The following SGMS1 variants were observed in gnomAD, a reference collection of about 807,000 sequenced individuals.
SGMS1 encodes the protein phosphatidylcholine:ceramide cholinephosphotransferase 1.
A neutral mutation model predicts 46.2 loss-of-function variants in SGMS1; 13 were observed. The ratio of observed to expected loss-of-function variants is 0.28; its 90% CI spans 0.18 to 0.45. The LOEUF is 0.45. Among genes scored for constraint, SGMS1 ranks in the 20% least tolerant of loss-of-function variants. The pLI, the probability that SGMS1 is intolerant of heterozygous loss-of-function variation, is 1.00. For missense variants in SGMS1, 324 were observed against 519.9 expected, an observed-to-expected ratio of 0.62 and a Z score of 3.66; for synonymous variants, 203 against 187.8, an observed-to-expected ratio of 1.08 and a Z score of -0.66.
At chr10:50,463,490 T>G (rs1360884229) in intron 4 of SGMS1, among the ~76,000 whole-genome samples, 2 of 152,182 alleles carry the variant, frequency 1.3e-5, no homozygotes, top group African/African-American at 4.8e-5. Flanking sequence ...CCCATTAGAA[T>G]GACCACTATC....
intron 7 of SGMS1, among the ~76,000 whole-genome samples, chr10:50,328,602 G>A (rs1847567046): frequency 6.6e-6 from 1 of 152,162 alleles, no homozygotes; most frequent in South Asian, 2.1e-4. Context: ...CACAGCCCAT[G>A]TATGTTACTT....
chr10:50,423,051 A>G (rs1450600324), intron 6 of SGMS1, among the ~76,000 whole-genome samples: 1 of 152,244 alleles, frequency 6.6e-6, no homozygotes, highest in African/African-American at 2.4e-5. Flanking sequence ...TACTCCAAGT[A>G]TAAACAAGCA....
At chr10:50,390,742 G>T (rs567785661) in intron 6 of SGMS1, among the ~76,000 whole-genome samples, 55 of 152,332 alleles carry the variant, frequency 3.6e-4, no homozygotes, top group Middle Eastern at 3.4e-3. Flanking sequence ...GCAATTAAGT[G>T]CTTGAACCAA....
At chr10:50,502,872 C>T (rs576171788) in intron 3 of SGMS1, among the ~76,000 whole-genome samples, 5 of 151,828 alleles carry the variant, frequency 3.3e-5, no homozygotes, top group African/African-American at 1.2e-4. Flanking sequence ...ACGTATCACC[C>T]AAAAAAAATT....
upstream of SGMS1, chr10:50,624,231 A>G: frequency 3.7e-6 from 2 of 546,540 alleles, no homozygotes; most frequent in Non-Finnish European, 4.7e-6. Context: ...GCCAGATTTT[A>G]CAATCTGGGA....
At chr10:50,463,076 A>C (rs1250975844) in intron 4 of SGMS1, among the ~76,000 whole-genome samples, 2 of 152,140 alleles carry the variant, frequency 1.3e-5, no homozygotes, top group African/African-American at 2.4e-5. Context: ...ATTCCTAGCA[A>C]AAAGAAAAAA....
intron 2 of SGMS1, among the ~76,000 whole-genome samples, chr10:50,571,655 A>G (rs1040571517): frequency 6.6e-6 from 1 of 152,210 alleles, no homozygotes; most frequent in African/African-American, 2.4e-5. Flanking sequence ...AGCACTAGAC[A>G]TATCTAATGT....
At chr10:50,546,797 A>G (rs1032480515) in intron 2 of SGMS1, among the ~76,000 whole-genome samples, 3 of 152,098 alleles carry the variant, frequency 2.0e-5, no homozygotes, top group Non-Finnish European at 4.4e-5. Flanking sequence ...GGTGCAGCAC[A>G]CCAACATGGC....
chr10:50,504,780 C>T (rs751921514), intron 3 of SGMS1, among the ~76,000 whole-genome samples: 3 of 152,016 alleles, frequency 2.0e-5, no homozygotes, highest in African/African-American at 7.3e-5. Flanking sequence ...GTTATTATTC[C>T]TTTCTGGCTA....
chr10:50,376,706 G>A (rs578248590), intron 6 of SGMS1, among the ~76,000 whole-genome samples: 1 of 152,230 alleles, frequency 6.6e-6, no homozygotes, highest in African/African-American at 2.4e-5. Flanking sequence ...CCTTGCGATA[G>A]TTTGCTGAGA....
chr10:50,441,954 C>T (rs1849551390), intron 5 of SGMS1, among the ~76,000 whole-genome samples: 1 of 152,226 alleles, frequency 6.6e-6, no homozygotes, highest in African/African-American at 2.4e-5. Context: ...TCACTAATCT[C>T]TAACTTTGTC....
chr10:50,500,220 A>T (rs1482760806), intron 3 of SGMS1, among the ~76,000 whole-genome samples: 1 of 152,260 alleles, frequency 6.6e-6, no homozygotes, highest in South Asian at 2.1e-4. Context: ...TCTGTTGTAG[A>T]TTTCCTGGGT....
At chr10:50,443,479 A>G (rs1849571346) in intron 5 of SGMS1, among the ~76,000 whole-genome samples, 1 of 152,128 alleles carries the variant, frequency 6.6e-6, no homozygotes, top group African/African-American at 2.4e-5. Flanking sequence ...GTGTCCAGAA[A>G]ACAATAATCA....
At chr10:50,454,184 T>A (rs1489438467) in intron 5 of SGMS1, among the ~76,000 whole-genome samples, 1 of 151,686 alleles carries the variant, frequency 6.6e-6, no homozygotes, top group Non-Finnish European at 1.5e-5. Flanking sequence ...AGCAGGGATA[T>A]GGTTAGAAAT....
At chr10:50,484,989 A>C (rs1490065050) in intron 3 of SGMS1, among the ~76,000 whole-genome samples, 1 of 152,188 alleles carries the variant, frequency 6.6e-6, no homozygotes, top group East Asian at 1.9e-4. Flanking sequence ...CCAGCACAAG[A>C]CAAGGATGCC....
At chr10:50,589,058 G>C (rs1297822129) in intron 2 of SGMS1, among the ~76,000 whole-genome samples, 1 of 152,040 alleles carries the variant, frequency 6.6e-6, no homozygotes, top group Non-Finnish European at 1.5e-5. Flanking sequence ...CTTGATCAGG[G>C]AGAAGGTGAG....
chr10:50,403,394 A>C (rs1182955599), intron 6 of SGMS1, among the ~76,000 whole-genome samples: 1 of 152,172 alleles, frequency 6.6e-6, no homozygotes, highest in African/African-American at 2.4e-5. Context: ...TAAGAAATGA[A>C]AGTATTCTAG....
At chr10:50,430,093 C>T (rs1297668655) in intron 6 of SGMS1, among the ~76,000 whole-genome samples, 1 of 152,106 alleles carries the variant, frequency 6.6e-6, no homozygotes, top group Non-Finnish European at 1.5e-5. Flanking sequence ...TCAGACTGTT[C>T]CTTTCTGCTC....
intron 6 of SGMS1, among the ~76,000 whole-genome samples, chr10:50,387,927 C>T (rs1848705633): frequency 6.6e-6 from 1 of 152,144 alleles, no homozygotes; most frequent in Non-Finnish European, 1.5e-5. Context: ...GAACAATTGG[C>T]CCCCTTTGAT....
Sources: allele counts gnomAD v4.1 joint callset (sites outside exome capture counted in the v4.1 genomes callset), GRCh38; gene constraint gnomAD v4.1.1; transcripts MANE v1.5; gene names NCBI Gene and HGNC (gene_info 2026-07-23, HGNC 2026-07-21).